IRAK3: variants seen among roughly 807,000 people sequenced by gnomAD.
The protein encoded by IRAK3 is interleukin-1 receptor-associated kinase 3.
Under a neutral mutation model 56.6 loss-of-function variants are expected in IRAK3, and 57 were observed. That is an observed-to-expected ratio of 1.01 (90% CI 0.81 to 1.26). IRAK3 has a LOEUF of 1.26. Among genes scored for constraint, IRAK3 ranks in the 50% most tolerant of loss-of-function variants. The pLI is 0.00. For missense variants in IRAK3, 703 were observed against 719.0 expected (o/e 0.98, Z 0.25); for synonymous variants, 258 against 255.7 (o/e 1.01, Z -0.09).
intron 2 of IRAK3, among the ~76,000 whole-genome samples, chr12:66,207,268 C>T (rs1201364516): frequency 6.6e-6 from 1 of 152,024 alleles, no homozygotes; most frequent in Non-Finnish European, 1.5e-5. Flanking sequence ...CTGAGGAGTT[C>T]GAGACCAGCC....
At chr12:66,242,675 G>C (rs186376773) in intron 8 of IRAK3, among the ~76,000 whole-genome samples, 72 of 152,334 alleles carry the variant, frequency 4.7e-4, no homozygotes, top group Admixed American at 1.2e-3. Flanking sequence ...CAGCTGATAA[G>C]AGGCCCTAGA....
intron 1 of IRAK3, among the ~76,000 whole-genome samples, chr12:66,191,787 G>T (rs2052402265): frequency 6.6e-6 from 1 of 152,168 alleles, no homozygotes; most frequent in Admixed American, 6.5e-5. Flanking sequence ...AGTGACAGAG[G>T]ACTGAATCAA....
At chr12:66,208,320 T>C (rs2052576583) in intron 2 of IRAK3, among the ~76,000 whole-genome samples, 2 of 136,880 alleles carry the variant, frequency 1.5e-5, no homozygotes, top group Admixed American at 1.4e-4. Flanking sequence ...GTATTTGTCA[T>C]TGATACACAC....
At chr12:66,234,256 A>T in intron 8 of IRAK3, 1 of 1,613,442 alleles carries the variant, frequency 6.2e-7, no homozygotes. Context: ...CTAGTGACAG[A>T]TGACTCATCT....
rs780689295 is a variant in IRAK3 at position 66,252,506 on chromosome 12, A to G, written c.*4335A>G. ...TACAACTTCTCTGCTACAGGCACCC[A>G]CTGCAGTTACTTGATATGAGTTAAA... On this transcript the variant is annotated 3_prime_UTR_variant, in exon 12 of 12. Coordinates refer to ENST00000261233, the MANE Select transcript of IRAK3 (RefSeq NM_007199.3). 17 of 152,170 alleles carry G rather than the reference A, an allele frequency of 1.1e-4. No individual in the cohort carries two copies. Among genetic ancestry groups the G allele is most frequent in the Non-Finnish European group, 2.4e-4 (16 of 68,048 alleles). The allele number at this position is 152,170 out of a possible 1,614,324, so 9.4% of individuals were successfully genotyped here. A position where few individuals can be genotyped will look rare whatever the true frequency, so the allele number is the denominator to read the frequency against.
intron 1 of IRAK3, chr12:66,196,943 T>C: frequency 6.5e-7 from 1 of 1,535,586 alleles, no homozygotes; most frequent in Non-Finnish European, 8.7e-7. Flanking sequence ...CATGTGGTTG[T>C]ATGCAAATAC....
intron 8 of IRAK3, chr12:66,234,780 T>A (rs1013966521): frequency 6.3e-7 from 1 of 1,596,230 alleles, no homozygotes; most frequent in African/African-American, 1.3e-5. Context: ...TCACGTAGTA[T>A]CCTTGTAGAA....
At chr12:66,204,418 C>T (rs985810941) in intron 2 of IRAK3, among the ~76,000 whole-genome samples, 1 of 152,174 alleles carries the variant, frequency 6.6e-6, no homozygotes, top group Non-Finnish European at 1.5e-5. Flanking sequence ...TTTAACCCTG[C>T]CTTACTTGTT....
chr12:66,234,560 T>C (rs1427624168), intron 8 of IRAK3: 3 of 1,611,784 alleles, frequency 1.9e-6, no homozygotes, highest in African/African-American at 2.7e-5. Context: ...TCCTTCTCTA[T>C]GCCATGGTCT....
At chr12:66,246,371 G>A (rs187375023) in intron 11 of IRAK3, among the ~76,000 whole-genome samples, 1 of 152,298 alleles carries the variant, frequency 6.6e-6, no homozygotes, top group Non-Finnish European at 1.5e-5. Context: ...CCATGACAGA[G>A]GGACATGAAT....
intron 6 of IRAK3, among the ~76,000 whole-genome samples, chr12:66,223,172 T>C (rs1410065958): frequency 6.6e-6 from 1 of 152,126 alleles, no homozygotes; most frequent in African/African-American, 2.4e-5. Context: ...TATCATCAGT[T>C]AAGGCAGGAA....
chr12:66,195,524 G>T (rs764180265), intron 1 of IRAK3, among the ~76,000 whole-genome samples: 3 of 152,124 alleles, frequency 2.0e-5, no homozygotes, highest in Non-Finnish European at 2.9e-5. Flanking sequence ...CCTCTTGTTT[G>T]CTTGACTCCA....
chr12:66,233,014 A>ATTATTATTT (rs912286281), intron 8 of IRAK3, among the ~76,000 whole-genome samples: 1 of 150,126 alleles, frequency 6.7e-6, no homozygotes, highest in African/African-American at 2.4e-5. Flanking sequence ...TATTATTATT[A>ATTATTATTT]TTTTTAAAAA....
chr12:66,236,533 A>C (rs1405912510), intron 8 of IRAK3, among the ~76,000 whole-genome samples: 1 of 151,806 alleles, frequency 6.6e-6, no homozygotes, highest in Non-Finnish European at 1.5e-5. Context: ...GCATCACTGC[A>C]CTACAGTCTG....
In IRAK3 at chr12:66,189,220, T is replaced by C; in HGVS notation, c.-80T>C. ...CTGCTGCCGTCGTGGAAGCAGGATT[T>C]CCGCGGTTGTGTAACGGCCTGTCGC... On this transcript the variant is annotated 5_prime_UTR_variant, in exon 1 of 12. Transcript: ENST00000261233. 6.6e-7 allele frequency: 1 copy of C among 1,506,260 alleles called. No homozygotes were observed. Among genetic ancestry groups the C allele is most frequent in the Non-Finnish European group, 8.9e-7 (1 of 1,124,248 alleles). The allele number at this position is 1,506,260 out of a possible 1,614,324, so 93.3% of individuals were successfully genotyped here.
At position 66,252,623 on chromosome 12, in the gene IRAK3, G is replaced by C. The variant is rs2053111518; in HGVS notation, c.*4452G>C. 1 of 152,326 alleles carries C rather than the reference G, an allele frequency of 6.6e-6. No homozygotes were observed. Among genetic ancestry groups the C allele is most frequent in the South Asian group, 2.1e-4 (1 of 4,826 alleles). 9.4% of individuals were successfully genotyped at this position (152,326 alleles called of 1,614,324 possible). The stretch of plus-strand genomic sequence containing the variant: ...CACTATTCTAGGAGCTGGGGCTACA[G>C]TGCAGATGGAAACCAGCAAAGCTCA... On this transcript the variant is annotated 3_prime_UTR_variant, in exon 12 of 12. Transcript: ENST00000261233.
At chr12:66,220,931 T>C (rs2052726868) in intron 6 of IRAK3, among the ~76,000 whole-genome samples, 1 of 152,230 alleles carries the variant, frequency 6.6e-6, no homozygotes, top group South Asian at 2.1e-4. Flanking sequence ...TTGATAGAAA[T>C]GTGTTGAATG....
In IRAK3 at chr12:66,250,585, A is replaced by G. The variant is rs925879017; in HGVS notation, c.*2414A>G. The stretch of plus-strand genomic sequence containing the variant: ...TGCTCAGAGCTCTCTGATTCACAAA[A>G]GAGATCATCAAGAATTGACTCTGTG... On this transcript the variant is annotated 3_prime_UTR_variant, in exon 12 of 12. Coordinates refer to ENST00000261233, the MANE Select transcript of IRAK3 (RefSeq NM_007199.3). 6.6e-6 allele frequency: 1 copy of G among 152,256 alleles called. No individual in the cohort carries two copies. Among genetic ancestry groups the G allele is most frequent in the African/African-American group, 2.4e-5 (1 of 41,462 alleles). The allele number at this position is 152,256 out of a possible 1,614,324, so 9.4% of individuals were successfully genotyped here.
At chr12:66,231,352 T>TA (rs796363515) in intron 8 of IRAK3, among the ~76,000 whole-genome samples, 53 of 146,986 alleles carry the variant, frequency 3.6e-4, no homozygotes, top group African/African-American at 4.7e-4. Flanking sequence ...TTCTCTACTT[T>TA]AAAAAAAAAA....
Sources: allele counts gnomAD v4.1 joint callset (sites outside exome capture counted in the v4.1 genomes callset), GRCh38; gene constraint gnomAD v4.1.1; transcripts MANE v1.5; gene names NCBI Gene and HGNC (gene_info 2026-07-23, HGNC 2026-07-21).